TMEM132C: variants seen among roughly 807,000 people sequenced by gnomAD.
TMEM132C encodes transmembrane protein 132C.
TMEM132C carries 29 observed loss-of-function variants against 61.4 expected under a neutral mutation model. The observed-to-expected ratio is 0.47, with a 90% confidence interval of 0.35 to 0.64. The LOEUF is 0.64. TMEM132C is among the 30% of genes least tolerant of loss of function. The pLI, the probability that TMEM132C is intolerant of heterozygous loss-of-function variation, is 0.00. For synonymous variants in TMEM132C, 656 were observed against 633.1 expected (o/e 1.04, Z -0.54); for missense variants, 1,408 against 1,476.9 (o/e 0.95, Z 0.76).
At chr12:128,365,256 G>A (rs1399354309) in intron 1 of TMEM132C, among the ~76,000 whole-genome samples, 1 of 152,192 alleles carries the variant, frequency 6.6e-6, no homozygotes, top group African/African-American at 2.4e-5. Context: ...AAATGGAACG[G>A]TCCAAGTGCT....
At chr12:128,286,095 C>T (rs377154329) in intron 1 of TMEM132C, among the ~76,000 whole-genome samples, 9 of 151,664 alleles carry the variant, frequency 5.9e-5, no homozygotes, top group African/African-American at 1.7e-4. Flanking sequence ...CCATCTCTAT[C>T]CCTCTCTCCC....
chr12:128,689,457 C>A (rs979160074), intron 5 of TMEM132C, among the ~76,000 whole-genome samples: 1 of 152,110 alleles, frequency 6.6e-6, no homozygotes, highest in Non-Finnish European at 1.5e-5. Flanking sequence ...TGTGTACGAG[C>A]ATTTCATTCA....
At chr12:128,544,461 A>G (rs1873880462) in intron 3 of TMEM132C, among the ~76,000 whole-genome samples, 1 of 152,144 alleles carries the variant, frequency 6.6e-6, no homozygotes, top group Admixed American at 6.5e-5. Flanking sequence ...CATGAAGGGG[A>G]AGATTGAGTT....
chr12:128,564,985 GATA>G (rs754802491), intron 3 of TMEM132C, among the ~76,000 whole-genome samples: 2 of 152,148 alleles, frequency 1.3e-5, no homozygotes, highest in Non-Finnish European at 2.9e-5. Context: ...GTCTGAGAAA[GATA>G]ATAATTATTA....
At chr12:128,380,370 G>A (rs527368069) in intron 1 of TMEM132C, among the ~76,000 whole-genome samples, 82 of 152,332 alleles carry the variant, frequency 5.4e-4, no homozygotes, top group African/African-American at 1.8e-3. Context: ...CTGCCCTTCC[G>A]CCTCCCATTT....
chr12:128,518,055 A>AAGCATGGTTAAGCTCCAGCCTT, intron 2 of TMEM132C, among the ~76,000 whole-genome samples: 1 of 152,224 alleles, frequency 6.6e-6, no homozygotes, highest in South Asian at 2.1e-4. Flanking sequence ...CCTTAGGGGA[A>AAGCATGGTTAAGCTCCAGCCTT]AGCATGGTTA....
intron 2 of TMEM132C, among the ~76,000 whole-genome samples, chr12:128,466,484 A>G (rs964218073): frequency 1.1e-4 from 17 of 152,324 alleles, no homozygotes; most frequent in African/African-American, 2.6e-4. Context: ...ATGGAGCCCA[A>G]TCGTTCCACC....
At chr12:128,594,686 G>A (rs1406032287) in intron 3 of TMEM132C, among the ~76,000 whole-genome samples, 1 of 152,194 alleles carries the variant, frequency 6.6e-6, no homozygotes, top group Non-Finnish European at 1.5e-5. Flanking sequence ...CAAGGATGAT[G>A]TTTTCCATTT....
At chr12:128,513,461 T>A (rs1249283208) in intron 2 of TMEM132C, among the ~76,000 whole-genome samples, 1 of 152,152 alleles carries the variant, frequency 6.6e-6, no homozygotes, top group Non-Finnish European at 1.5e-5. Flanking sequence ...GAGAAAGGAA[T>A]AATCCACAGT....
chr12:128,268,094 C>T (rs112926565), intron 1 of TMEM132C, among the ~76,000 whole-genome samples: 7 of 152,180 alleles, frequency 4.6e-5, no homozygotes, highest in African/African-American at 1.7e-4. Flanking sequence ...TCTGCGGGTT[C>T]TCTCAAATGA....
intron 4 of TMEM132C, among the ~76,000 whole-genome samples, chr12:128,653,684 T>C (rs956036496): frequency 2.6e-5 from 4 of 152,198 alleles, no homozygotes; most frequent in Non-Finnish European, 4.4e-5. Flanking sequence ...TGCCGGCTCA[T>C]TGGGCTGTTG....
In TMEM132C at chr12:128,397,398, C is replaced by A. The variant is rs189848319; in HGVS notation, c.86-17334C>A. Among the ~76,000 whole-genome samples, 117 of 152,304 alleles carry A rather than the reference C, an allele frequency of 7.7e-4. 2 individuals are homozygous for A. The highest frequency in any genetic ancestry group is 1.2e-3 in the Admixed American group (18 of 15,298). On this transcript the variant is annotated intron_variant, in intron 1 of 8. Transcript: ENST00000435159. ...TGTGAGTTTGCAAAGGAAGGTGCAT[C>A]TTTCTGGAGCAATTGCAACGGTCAG...
intron 2 of TMEM132C, among the ~76,000 whole-genome samples, chr12:128,440,179 T>A (rs1206044176): frequency 1.3e-5 from 2 of 152,176 alleles, no homozygotes; most frequent in African/African-American, 2.4e-5. Flanking sequence ...TGGAGTCAGG[T>A]GCTAACTCCA....
intron 4 of TMEM132C, among the ~76,000 whole-genome samples, chr12:128,625,694 T>A (rs1181510890): frequency 6.6e-6 from 1 of 152,240 alleles, no homozygotes; most frequent in East Asian, 1.9e-4. Context: ...TATTTCCCAC[T>A]GGGCCTCTCC....
intron 1 of TMEM132C, among the ~76,000 whole-genome samples, chr12:128,331,301 A>G (rs1872660524): frequency 6.6e-6 from 1 of 152,204 alleles, no homozygotes; most frequent in Admixed American, 6.5e-5. Context: ...TATCTATTCT[A>G]ATTGTTTTAA....
intron 4 of TMEM132C, among the ~76,000 whole-genome samples, chr12:128,649,094 C>T (rs1954241226): frequency 6.6e-6 from 1 of 152,214 alleles, no homozygotes; most frequent in African/African-American, 2.4e-5. Context: ...AGAACTCCAT[C>T]GTGTCCAGGT....
At chr12:128,618,808 T>C (rs1876895771) in intron 4 of TMEM132C, among the ~76,000 whole-genome samples, 1 of 152,188 alleles carries the variant, frequency 6.6e-6, no homozygotes, top group Non-Finnish European at 1.5e-5. Context: ...CCTTTATAAA[T>C]TACCCAGTCT....
At chr12:128,462,025 C>T (rs544834148) in intron 2 of TMEM132C, among the ~76,000 whole-genome samples, 1 of 152,352 alleles carries the variant, frequency 6.6e-6, no homozygotes, top group African/African-American at 2.4e-5. Flanking sequence ...GTGCCTTCTT[C>T]ACTGTGAAAT....
At chr12:128,456,379 T>G (rs1870344989) in intron 2 of TMEM132C, among the ~76,000 whole-genome samples, 7 of 23,700 alleles carry the variant, frequency 3.0e-4, no homozygotes, top group African/African-American at 7.1e-4. Flanking sequence ...TTTTTTTTTT[T>G]TTTTTTTTTT....
Sources: gnomAD v4.1 joint callset for allele counts (sites outside exome capture counted in the v4.1 genomes callset) on GRCh38, gnomAD v4.1.1 for gene constraint, MANE v1.5 for transcripts, NCBI Gene and HGNC (gene_info 2026-07-23, HGNC 2026-07-21) for gene names.